Variants in COL22A1 observed in about 807,000 individuals in gnomAD.
COL22A1 encodes collagen type XXII alpha 1 chain.
A neutral mutation model predicts 248.9 loss-of-function variants in COL22A1; 221 were observed. The ratio of observed to expected loss-of-function variants is 0.89; its 90% CI spans 0.80 to 0.99. The LOEUF is 0.99. Ranked by LOEUF, COL22A1 falls within the 50% of genes least tolerant of loss-of-function variation. The probability of loss-of-function intolerance (pLI) is 0.00; values close to 1 mark genes in which losing one functional copy is unlikely to be tolerated. For missense variants in COL22A1, 2,240 were observed against 2,179.0 expected (o/e 1.03, Z -0.56); for synonymous variants, 891 against 793.4 (o/e 1.12, Z -2.07).
At chr8:138,728,065 C>T (rs1830455040) in intron 23 of COL22A1, among the ~76,000 whole-genome samples, 1 of 152,124 alleles carries the variant, frequency 6.6e-6, no homozygotes, top group South Asian at 2.1e-4. Flanking sequence ...TAGGGTCTTG[C>T]TCTGTTGCCC....
intron 16 of COL22A1, among the ~76,000 whole-genome samples, chr8:138,763,362 G>A (rs6995563): frequency 0.52 from 78,365 of 151,416 alleles, 22,920 homozygotes; most frequent in East Asian, 0.8. Context: ...TCTCCAGCCC[G>A]GGCGACAGAG....
chr8:138,713,371 G>A (rs1341988516), intron 30 of COL22A1, among the ~76,000 whole-genome samples: 6 of 152,240 alleles, frequency 3.9e-5, no homozygotes, highest in South Asian at 2.1e-4. Context: ...GGGTTAAGAC[G>A]AAAATGACTT....
At chr8:138,870,383 G>A (rs1318031199) in intron 3 of COL22A1, among the ~76,000 whole-genome samples, 2 of 151,880 alleles carry the variant, frequency 1.3e-5, no homozygotes, top group East Asian at 3.9e-4. Flanking sequence ...CCTATGTGCA[G>A]TGTGTGGGGT....
intron 53 of COL22A1, 140 bp from the exon 54 acceptor site, chr8:138,617,098 G>C: frequency 1.2e-6 from 1 of 850,832 alleles, no homozygotes; most frequent in South Asian, 1.4e-5. Flanking sequence ...GCCCTACTTG[G>C]TGCCATGCTC....
chr8:138,714,302 T>C (rs999935966), intron 30 of COL22A1, among the ~76,000 whole-genome samples: 3 of 152,160 alleles, frequency 2.0e-5, no homozygotes, highest in Non-Finnish European at 2.9e-5. Context: ...AGTGGCTGTT[T>C]TCTGTTTGTC....
At chr8:138,787,734 C>G (rs1032725888) in intron 12 of COL22A1, among the ~76,000 whole-genome samples, 6 of 152,164 alleles carry the variant, frequency 3.9e-5, no homozygotes, top group Non-Finnish European at 8.8e-5. Flanking sequence ...GGGCTTGGCT[C>G]CAAGTCCAGG....
intron 16 of COL22A1, among the ~76,000 whole-genome samples, chr8:138,765,887 G>A (rs757701070): frequency 1.3e-5 from 2 of 152,238 alleles, no homozygotes; most frequent in East Asian, 1.9e-4. Flanking sequence ...AGCCAAGACC[G>A]AGCAGACAGT....
chr8:138,694,661 A>C (rs1827353292), intron 33 of COL22A1, 100 bp from the exon 34 acceptor site: 2 of 1,414,544 alleles, frequency 1.4e-6, no homozygotes, highest in Non-Finnish European at 2.0e-6. Context: ...TTTGAGATCC[A>C]AGGAGGGGAC....
chr8:138,761,145 G>A (rs1482175058), intron 17 of COL22A1, among the ~76,000 whole-genome samples: 2 of 152,118 alleles, frequency 1.3e-5, no homozygotes, highest in African/African-American at 4.8e-5. Flanking sequence ...GACCCTCGCC[G>A]GCCAGCCCAC....
chr8:138,812,623 C>T (rs1013750687), intron 8 of COL22A1, among the ~76,000 whole-genome samples: 15 of 152,136 alleles, frequency 9.9e-5, no homozygotes, highest in African/African-American at 3.6e-4. Context: ...CCTCTGGGCG[C>T]TGGTGGCACG....
intron 22 of COL22A1, among the ~76,000 whole-genome samples, chr8:138,740,933 G>A (rs1040772359): frequency 6.6e-6 from 1 of 152,158 alleles, no homozygotes; most frequent in African/African-American, 2.4e-5. Context: ...AACCCACCCT[G>A]TTCCCAGGCC....
chr8:138,655,510 C>T (rs1401822741), intron 45 of COL22A1, among the ~76,000 whole-genome samples: 1 of 152,158 alleles, frequency 6.6e-6, no homozygotes, highest in Non-Finnish European at 1.5e-5. Context: ...AGGCACATGT[C>T]ACCACATCAA....
At chr8:138,852,300 G>A in intron 3 of COL22A1, among the ~76,000 whole-genome samples, 1 of 152,072 alleles carries the variant, frequency 6.6e-6, no homozygotes, top group South Asian at 2.1e-4. Context: ...AAGGGATGAT[G>A]GTGACTTGTT....
At chr8:138,602,339 C>T (rs6993225) in intron 59 of COL22A1, among the ~76,000 whole-genome samples, 180 bp from the exon 60 acceptor site, 132,742 of 152,096 alleles carry the variant, frequency 0.87, 58,452 homozygotes, top group Middle Eastern at 0.94. Context: ...GCACACTGTG[C>T]CTTCTCTCCT....
chr8:138,886,674 A>T (rs906715282), intron 1 of COL22A1, among the ~76,000 whole-genome samples: 1 of 152,224 alleles, frequency 6.6e-6, no homozygotes, highest in East Asian at 1.9e-4. Context: ...AAGAGTATTA[A>T]GAGCCTGTTT....
chr8:138,827,008 A>T (rs1405123501), intron 5 of COL22A1, among the ~76,000 whole-genome samples: 1 of 152,064 alleles, frequency 6.6e-6, no homozygotes, highest in African/African-American at 2.4e-5. Flanking sequence ...AGCACCTTCA[A>T]ATCCATCCCT....
chr8:138,728,779 G>T (rs1322080960), intron 23 of COL22A1, among the ~76,000 whole-genome samples: 3 of 152,012 alleles, frequency 2.0e-5, no homozygotes, highest in Non-Finnish European at 4.4e-5. Flanking sequence ...ACACCTGGAG[G>T]GCCTGTCACA....
At chr8:138,862,482 T>A (rs1009455985) in intron 3 of COL22A1, among the ~76,000 whole-genome samples, 2 of 152,122 alleles carry the variant, frequency 1.3e-5, no homozygotes, top group Non-Finnish European at 2.9e-5. Flanking sequence ...TTTGCCTGGC[T>A]GTGTCCTCAG....
At chr8:138,758,469 C>T (rs1350114234) in intron 18 of COL22A1, among the ~76,000 whole-genome samples, 1 of 152,182 alleles carries the variant, frequency 6.6e-6, no homozygotes, top group African/African-American at 2.4e-5. Flanking sequence ...CATAAAAATG[C>T]ATCACCTGAT....
Sources: gnomAD v4.1 joint callset for allele counts (sites outside exome capture counted in the v4.1 genomes callset) on GRCh38, gnomAD v4.1.1 for gene constraint, MANE v1.5 for transcripts, NCBI Gene and HGNC (gene_info 2026-07-23, HGNC 2026-07-21) for gene names.